The following MEIKIN variants were observed in gnomAD, a reference collection of about 807,000 sequenced individuals.
The protein encoded by MEIKIN is meiosis-specific kinetochore protein.
chr5:131,896,060 T>C (rs780292522), intron 8 of MEIKIN, among the ~76,000 whole-genome samples: 7 of 152,240 alleles, frequency 4.6e-5, no homozygotes, highest in Non-Finnish European at 8.8e-5. Context: ...GCTTTAGCTT[T>C]GTCCCAGAGA....
At chr5:131,879,708 C>A (rs184490487) in intron 8 of MEIKIN, among the ~76,000 whole-genome samples, 8 of 152,296 alleles carry the variant, frequency 5.3e-5, no homozygotes, top group Non-Finnish European at 1.0e-4. Flanking sequence ...GCACTTCCAC[C>A]AATATCAGCA....
chr5:131,862,642 G>C (rs1435126116), intron 9 of MEIKIN, among the ~76,000 whole-genome samples: 1 of 151,940 alleles, frequency 6.6e-6, no homozygotes, highest in Admixed American at 6.6e-5. Flanking sequence ...TCTAAGCACT[G>C]CTTTTATGAT....
intron 5 of MEIKIN, among the ~76,000 whole-genome samples, chr5:131,925,526 T>C (rs1751573547): frequency 6.6e-6 from 1 of 152,230 alleles, no homozygotes; most frequent in East Asian, 1.9e-4. Context: ...TTTTTGATGA[T>C]ATTGTAAATG....
intron 9 of MEIKIN, among the ~76,000 whole-genome samples, chr5:131,857,392 C>T (rs1234596304): frequency 6.6e-6 from 1 of 152,160 alleles, no homozygotes; most frequent in Non-Finnish European, 1.5e-5. Flanking sequence ...GATGCCCATC[C>T]TCCAAGGCTC....
chr5:131,859,247 A>G (rs572732767), intron 9 of MEIKIN, among the ~76,000 whole-genome samples: 97 of 152,334 alleles, frequency 6.4e-4, no homozygotes, highest in Non-Finnish European at 1.2e-3. Flanking sequence ...TTCAGGTGTA[A>G]GGAAGGAGTC....
At chr5:131,897,786 G>A (rs1443388177) in intron 8 of MEIKIN, among the ~76,000 whole-genome samples, 1 of 152,028 alleles carries the variant, frequency 6.6e-6, no homozygotes, top group Non-Finnish European at 1.5e-5. Flanking sequence ...TTAGCCATTC[G>A]TCTAACCTTT....
intron 8 of MEIKIN, among the ~76,000 whole-genome samples, chr5:131,886,439 T>C (rs906675465): frequency 4.6e-5 from 7 of 152,118 alleles, no homozygotes; most frequent in Admixed American, 4.6e-4. Context: ...CAACATACAA[T>C]GGAGCTTCAC....
At chr5:131,834,277 T>C (rs1344769192) in intron 11 of MEIKIN, among the ~76,000 whole-genome samples, 1 of 152,212 alleles carries the variant, frequency 6.6e-6, no homozygotes, top group Non-Finnish European at 1.5e-5. Context: ...ACATACATTG[T>C]GTAAGAAGTA....
At chr5:131,887,293 T>C (rs1351597732) in intron 8 of MEIKIN, among the ~76,000 whole-genome samples, 1 of 152,062 alleles carries the variant, frequency 6.6e-6, no homozygotes, top group Admixed American at 6.6e-5. Flanking sequence ...AATAAACATA[T>C]TGTTTATATG....
At chr5:131,933,304 T>G (rs1408973615) in intron 5 of MEIKIN, among the ~76,000 whole-genome samples, 2 of 152,230 alleles carry the variant, frequency 1.3e-5, no homozygotes, top group Non-Finnish European at 2.9e-5. Flanking sequence ...TAAATGACAT[T>G]TCTTCATCCT....
intron 11 of MEIKIN, among the ~76,000 whole-genome samples, chr5:131,843,993 G>A (rs1580869138): frequency 6.6e-6 from 1 of 152,164 alleles, no homozygotes; most frequent in Non-Finnish European, 1.5e-5. Context: ...CTGTACAGGA[G>A]TTATGGCTGG....
intron 8 of MEIKIN, among the ~76,000 whole-genome samples, chr5:131,891,289 G>C (rs1019275966): frequency 6.6e-6 from 1 of 152,106 alleles, no homozygotes; most frequent in African/African-American, 2.4e-5. Context: ...TTTCTGTCTT[G>C]TTGATCTGTC....
intron 8 of MEIKIN, among the ~76,000 whole-genome samples, chr5:131,894,123 C>G (rs1032596191): frequency 2.0e-5 from 3 of 152,116 alleles, no homozygotes; most frequent in African/African-American, 7.2e-5. Context: ...ATATGGCTAG[C>G]CAGTTTTCCC....
Position 131,878,570 on chromosome 5 carries a change from A to G in MEIKIN, c.774+408T>C, listed in dbSNP as rs186325026. Among the ~76,000 whole-genome samples, 434 of 152,182 alleles carry G rather than the reference A, an allele frequency of 2.9e-3. 1 individual carries two copies. Among genetic ancestry groups the G allele is most frequent in the Middle Eastern group, 0.01 (3 of 294 alleles). ...TGACAGAGTGAAACTCTGTCTCAAA[A>G]AAAAAAGTATTGGTTAAGGCTGGGT... On this transcript the variant is annotated intron_variant, in intron 9 of 12. Transcript: ENST00000442687.
intron 9 of MEIKIN, among the ~76,000 whole-genome samples, chr5:131,869,899 T>C (rs1442836840): frequency 6.6e-6 from 1 of 152,256 alleles, no homozygotes; most frequent in Non-Finnish European, 1.5e-5. Context: ...CTCTTCAATA[T>C]TTGGTGCAGC....
intron 2 of MEIKIN, 105 bp downstream of exon 2, chr5:131,945,051 G>A (rs917314131): frequency 2.5e-6 from 1 of 398,506 alleles, no homozygotes; most frequent in African/African-American, 2.1e-5. Flanking sequence ...TACTGTATTT[G>A]TTTTGCTCCT....
chr5:131,922,513 C>T (rs935769194), intron 5 of MEIKIN, among the ~76,000 whole-genome samples: 4 of 151,978 alleles, frequency 2.6e-5, no homozygotes, highest in Non-Finnish European at 4.4e-5. Flanking sequence ...AGGTTACATG[C>T]AAATACCATG....
chr5:131,903,038 T>C (rs996037994), intron 8 of MEIKIN, among the ~76,000 whole-genome samples: 2 of 152,074 alleles, frequency 1.3e-5, no homozygotes, highest in African/African-American at 4.8e-5. Context: ...GAATTGACCA[T>C]GCTGAGGAAA....
chr5:131,841,844 C>A (rs1749920229), intron 11 of MEIKIN, among the ~76,000 whole-genome samples: 1 of 152,002 alleles, frequency 6.6e-6, no homozygotes, highest in South Asian at 2.1e-4. Flanking sequence ...TTTCTTAATC[C>A]CTTTTTTGGA....
Sources: allele counts gnomAD v4.1 joint callset (sites outside exome capture counted in the v4.1 genomes callset), GRCh38; gene constraint gnomAD v4.1.1; transcripts MANE v1.5; gene names NCBI Gene and HGNC (gene_info 2026-07-23, HGNC 2026-07-21).